Variants in ARHGEF28 observed in about 807,000 individuals in gnomAD.
ARHGEF28 encodes the protein 190 kDa guanine nucleotide exchange factor.
In ARHGEF28, 152 loss-of-function variants were observed where a neutral mutation model predicts 206.6. The observed-to-expected ratio is 0.74, with a 90% CI of 0.64 to 0.84. The LOEUF (loss-of-function observed/expected upper bound fraction) is 0.84. ARHGEF28 is among the 40% of genes least tolerant of loss of function. The probability of loss-of-function intolerance (pLI) is 0.00; values close to 1 mark genes in which losing one functional copy is unlikely to be tolerated. For missense variants in ARHGEF28, 2,028 were observed against 2,073.2 expected (o/e 0.98, Z 0.42); for synonymous variants, 763 against 776.4 (o/e 0.98, Z 0.29).
At chr5:73,678,751 G>A (rs1183835483) in intron 1 of ARHGEF28, among the ~76,000 whole-genome samples, 1 of 152,000 alleles carries the variant, frequency 6.6e-6, no homozygotes, top group African/African-American at 2.4e-5. Context: ...TAGGGAAAAA[G>A]GCTCACTTTT....
chr5:73,727,888 C>G (rs1307886647), intron 2 of ARHGEF28, among the ~76,000 whole-genome samples: 1 of 152,186 alleles, frequency 6.6e-6, no homozygotes, highest in Non-Finnish European at 1.5e-5. Flanking sequence ...GTCCTTCAGT[C>G]TCAGGTAGTC....
intron 14 of ARHGEF28, among the ~76,000 whole-genome samples, chr5:73,857,118 G>A (rs540305562): frequency 1.3e-5 from 2 of 152,198 alleles, no homozygotes; most frequent in Admixed American, 6.5e-5. Flanking sequence ...GTACTGAGTG[G>A]GAGAGGCTGC....
intron 2 of ARHGEF28, among the ~76,000 whole-genome samples, chr5:73,686,667 G>A (rs533736264): frequency 1.1e-4 from 17 of 151,598 alleles, no homozygotes; most frequent in Middle Eastern, 3.4e-3. Context: ...TACAGACACC[G>A]CCACCACGCC....
chr5:73,651,384 C>A (rs1357932839), intron 1 of ARHGEF28, among the ~76,000 whole-genome samples: 1 of 152,182 alleles, frequency 6.6e-6, no homozygotes, highest in African/African-American at 2.4e-5. Flanking sequence ...TTCCAGATAG[C>A]AATAATGGAG....
chr5:73,866,477 T>A (rs1759715336), intron 18 of ARHGEF28, among the ~76,000 whole-genome samples: 1 of 152,206 alleles, frequency 6.6e-6, no homozygotes. Flanking sequence ...ATGGAAAAAG[T>A]CTTCAAATTT....
chr5:73,901,337 A>C (rs928953562), intron 31 of ARHGEF28, 53 bp downstream of exon 31: 50 of 1,493,354 alleles, frequency 3.3e-5, no homozygotes, highest in Non-Finnish European at 4.5e-5. Flanking sequence ...GTATAATAAA[A>C]TAGCCTCAGG....
chr5:73,821,415 AAC>A (rs1224589703), intron 9 of ARHGEF28, among the ~76,000 whole-genome samples: 1 of 152,218 alleles, frequency 6.6e-6, no homozygotes, highest in African/African-American at 2.4e-5. Flanking sequence ...GGGGAGCCGA[AAC>A]ACATATGGCT....
At chr5:73,634,551 T>G (rs1743577923) in intron 1 of ARHGEF28, among the ~76,000 whole-genome samples, 1 of 152,240 alleles carries the variant, frequency 6.6e-6, no homozygotes, top group Non-Finnish European at 1.5e-5. Context: ...GTCTATAATT[T>G]GTAGAATCTG....
chr5:73,813,910 T>TA (rs76466396), intron 9 of ARHGEF28, among the ~76,000 whole-genome samples: 7,038 of 138,746 alleles, frequency 0.051, 405 homozygotes, highest in African/African-American at 0.14. Context: ...CAATTCTCTT[T>TA]AAAAAAAAAA....
intron 13 of ARHGEF28, 80 bp downstream of exon 13, chr5:73,849,167 T>C: frequency 1.0e-6 from 1 of 1,003,830 alleles, no homozygotes. Flanking sequence ...ACATAAAATA[T>C]TCAAGAACAG....
chr5:73,885,938 T>C lies in ARHGEF28; in HGVS notation c.3144T>C (p.Tyr1048=). ...IATVDLKVNE[Y]EKNQKWLEIL... is the part of the protein sequence containing the mutation. ...CAGTGGATTTAAAAGTCAATGAATA[T>C]GAGAAAAACCAAAAATGGCTTGAGA... is the stretch of plus-strand genomic sequence containing the variant. The change falls in exon 25 of 36, where the codon TAT becomes TAC. Residue 1048 remains tyrosine, a synonymous_variant. Coordinates refer to ENST00000513042, the MANE Select transcript of ARHGEF28 (RefSeq NM_001177693.2). The C allele has an allele frequency of 6.2e-7, 1 of 1,613,508 alleles. No homozygotes were observed. Among genetic ancestry groups the C allele is most frequent in the Non-Finnish European group, 8.5e-7 (1 of 1,179,716 alleles).
At chr5:73,639,980 C>T (rs73762140) in intron 1 of ARHGEF28, among the ~76,000 whole-genome samples, 1,738 of 152,196 alleles carry the variant, frequency 0.011, 30 homozygotes, top group African/African-American at 0.04. Flanking sequence ...ATATTCTTAA[C>T]GCAGATGAAT....
At chr5:73,728,161 TA>T (rs1463072362) in intron 2 of ARHGEF28, among the ~76,000 whole-genome samples, 2 of 152,256 alleles carry the variant, frequency 1.3e-5, no homozygotes, top group Non-Finnish European at 2.9e-5. Flanking sequence ...CTACCATTGG[TA>T]AATTTGATAA....
chr5:73,913,802 C>A (rs1763052961), intron 35 of ARHGEF28, among the ~76,000 whole-genome samples: 2 of 152,286 alleles, frequency 1.3e-5, no homozygotes, highest in South Asian at 4.1e-4. Context: ...ATGTTGTGGG[C>A]TGGTATTTTA....
intron 1 of ARHGEF28, among the ~76,000 whole-genome samples, chr5:73,642,460 C>G (rs1019780883): frequency 1.3e-5 from 2 of 152,188 alleles, no homozygotes; most frequent in Non-Finnish European, 2.9e-5. Flanking sequence ...AGTCTTGACT[C>G]AGAATTCTGA....
At chr5:73,787,495 G>A (rs746165948) in intron 7 of ARHGEF28, among the ~76,000 whole-genome samples, 2 of 152,158 alleles carry the variant, frequency 1.3e-5, no homozygotes, top group South Asian at 4.1e-4. Flanking sequence ...CCCTCAACCC[G>A]TCATCTACAT....
intron 35 of ARHGEF28, 129 bp from the exon 36 acceptor site, chr5:73,940,715 G>A: frequency 1.4e-6 from 1 of 694,522 alleles, no homozygotes; most frequent in Admixed American, 4.1e-5. Flanking sequence ...CTTTCTCATT[G>A]GGCTTGGCCA....
chr5:73,633,221 G>A (rs1743476899), intron 1 of ARHGEF28, among the ~76,000 whole-genome samples: 1 of 152,134 alleles, frequency 6.6e-6, no homozygotes, highest in Non-Finnish European at 1.5e-5. Flanking sequence ...ACTCTCTTGC[G>A]TACTGCTCAA....
At chr5:73,895,849 A>T (rs1761933343) in intron 29 of ARHGEF28, among the ~76,000 whole-genome samples, 1 of 152,194 alleles carries the variant, frequency 6.6e-6, no homozygotes, top group Admixed American at 6.5e-5. Flanking sequence ...CTGGTTTAGA[A>T]TTTCAGAATA....
Sources: gnomAD v4.1 joint callset for allele counts (sites outside exome capture counted in the v4.1 genomes callset) on GRCh38, gnomAD v4.1.1 for gene constraint, MANE v1.5 for transcripts, NCBI Gene and HGNC (gene_info 2026-07-23, HGNC 2026-07-21) for gene names.